Variants in GPRC6A observed in about 807,000 individuals in gnomAD.
The protein encoded by GPRC6A is G protein-coupled receptor class C group 6 member A.
Under a neutral mutation model 47.0 loss-of-function variants are expected in GPRC6A, and 54 were observed. That is an observed-to-expected ratio of 1.15 (90% CI 0.92 to 1.44). The LOEUF (loss-of-function observed/expected upper bound fraction) is 1.44. Ranked by LOEUF, GPRC6A falls within the 40% of genes most tolerant of loss-of-function variation. GPRC6A has a pLI of 0.00. For synonymous variants in GPRC6A, 347 were observed against 377.1 expected (o/e 0.92, Z 0.93); for missense variants, 1,112 against 1,105.5 (o/e 1.01, Z -0.08).
chr6:116,819,731 C>T (rs1340665621), intron 1 of GPRC6A, among the ~76,000 whole-genome samples: 10 of 151,762 alleles, frequency 6.6e-5, no homozygotes, highest in African/African-American at 2.2e-4. Flanking sequence ...AAATTTATAG[C>T]ACTAAATGCC....
rs1471551841 is a variant in GPRC6A at position 116,806,544 on chromosome 6, C to T, written c.1161G>A (p.Lys387=). ...AGTTCCTTTCTATAGCCTTGTTAGC[C>T]TTGTAGGCCAAAGTCCTTTGAGAAT... The part of the protein sequence containing the change: ...FNHSQRTLAY[K]ANKAIERNFV... The change falls in exon 3 of 6, where the codon AAG becomes AAA. Residue 387 remains lysine (K), a synonymous_variant. Transcript: ENST00000310357. 6 of 1,613,574 alleles carry T rather than the reference C, an allele frequency of 3.7e-6. No individual in the cohort carries two copies. The highest frequency in any genetic ancestry group is 5.1e-6 in the Non-Finnish European group (6 of 1,179,748).
At chr6:116,794,486 C>T (rs1328009845) in intron 5 of GPRC6A, among the ~76,000 whole-genome samples, 1 of 152,154 alleles carries the variant, frequency 6.6e-6, no homozygotes, top group African/African-American at 2.4e-5. Flanking sequence ...AAGTTGTCTT[C>T]AGTCTTCTAC....
At chr6:116,808,092 T>C (rs951361843) in intron 2 of GPRC6A, among the ~76,000 whole-genome samples, 2 of 151,916 alleles carry the variant, frequency 1.3e-5, no homozygotes, top group African/African-American at 4.8e-5. Flanking sequence ...CCAACTCCAA[T>C]AAATTTGGGA....
intron 1 of GPRC6A, among the ~76,000 whole-genome samples, chr6:116,823,294 C>T (rs894728427): frequency 7.9e-5 from 12 of 152,010 alleles, no homozygotes; most frequent in African/African-American, 2.9e-4. Flanking sequence ...TGCCAGATAC[C>T]CTAAATCATC....
Position 116,795,838 on chromosome 6 carries a change from A to G in GPRC6A, c.1549-3T>C, listed in dbSNP as rs779934112. 1.9e-5 allele frequency: 30 copies of G among 1,571,780 alleles called. No individual in the cohort carries two copies. The highest frequency in any genetic ancestry group is 2.4e-5 in the Non-Finnish European group (28 of 1,158,358). On this transcript the variant is annotated splice_polypyrimidine_tract_variant and splice_region_variant and intron_variant, in intron 4 of 5. Coordinates refer to ENST00000310357, the MANE Select transcript of GPRC6A (RefSeq NM_148963.4). ...TTGGAGCATTTAGATTGAATTTGCT[A>G]TATTAAAAGTGAAAAAAAAAATCAC... is the stretch of plus-strand genomic sequence containing the variant.
At chr6:116,825,714 C>T (rs77549241) in intron 1 of GPRC6A, among the ~76,000 whole-genome samples, 13,258 of 151,722 alleles carry the variant, frequency 0.087, 628 homozygotes, top group Admixed American at 0.13. Flanking sequence ...TAAAAAAATC[C>T]TAAAATTCAT....
At chr6:116,817,018 A>G (rs1464183280) in intron 1 of GPRC6A, among the ~76,000 whole-genome samples, 13 of 152,208 alleles carry the variant, frequency 8.5e-5, no homozygotes, top group Non-Finnish European at 1.9e-4. Flanking sequence ...GGAAGCTTGA[A>G]CTGGGTGGAG....
intron 1 of GPRC6A, among the ~76,000 whole-genome samples, chr6:116,810,926 G>A (rs928486401): frequency 6.6e-6 from 1 of 152,108 alleles, no homozygotes; most frequent in African/African-American, 2.4e-5. Context: ...AAGAACCCAA[G>A]AAATCACCAA....
At chr6:116,803,246 T>C (rs1235802084) in intron 3 of GPRC6A, among the ~76,000 whole-genome samples, 1 of 152,108 alleles carries the variant, frequency 6.6e-6, no homozygotes, top group African/African-American at 2.4e-5. Context: ...CTTTTCATCC[T>C]TATTTTCATA....
At chr6:116,795,019 C>T (rs1168918073) in intron 5 of GPRC6A, among the ~76,000 whole-genome samples, 1 of 152,152 alleles carries the variant, frequency 6.6e-6, no homozygotes, top group Non-Finnish European at 1.5e-5. Flanking sequence ...TAAACAACAA[C>T]ATCTGATGCT....
intron 1 of GPRC6A, among the ~76,000 whole-genome samples, chr6:116,819,982 A>G (rs1773399547): frequency 6.6e-6 from 1 of 150,610 alleles, no homozygotes; most frequent in Non-Finnish European, 1.5e-5. Context: ...AAAGAAAAAA[A>G]GAGAGAAGAA....
intron 1 of GPRC6A, among the ~76,000 whole-genome samples, chr6:116,824,575 C>T (rs1412378622): frequency 6.6e-6 from 1 of 151,848 alleles, no homozygotes; most frequent in East Asian, 1.9e-4. Context: ...AGACCAATAA[C>T]AAATAGCAAG....
At chr6:116,804,450 G>T (rs1420514922) in intron 3 of GPRC6A, among the ~76,000 whole-genome samples, 1 of 152,046 alleles carries the variant, frequency 6.6e-6, no homozygotes, top group Non-Finnish European at 1.5e-5. Context: ...CCTAAATGTT[G>T]CTGATCTTTA....
intron 1 of GPRC6A, among the ~76,000 whole-genome samples, chr6:116,810,682 AAAAG>A (rs1207240465): frequency 8.6e-5 from 13 of 151,860 alleles, no homozygotes; most frequent in African/African-American, 2.9e-4. Context: ...TAATGAACTA[AAAAG>A]AAAGTATATC....
At chr6:116,821,410 T>C (rs1476909697) in intron 1 of GPRC6A, among the ~76,000 whole-genome samples, 1 of 152,134 alleles carries the variant, frequency 6.6e-6, no homozygotes, top group Non-Finnish European at 1.5e-5. Flanking sequence ...AAGTCAATCC[T>C]AAGCCAAAAG....
intron 5 of GPRC6A, 58 bp downstream of exon 5, chr6:116,795,654 A>G (rs1772458209): frequency 7.2e-7 from 1 of 1,381,918 alleles, no homozygotes; most frequent in Non-Finnish European, 9.6e-7. Context: ...AAATTCATGC[A>G]AAGAAAAAAA....
chr6:116,817,905 T>C lies in GPRC6A; in HGVS notation c.195-8288A>G, dbSNP rs1773285528. On this transcript the variant is annotated intron_variant, in intron 1 of 5. Transcript: ENST00000310357. Reference sequence around the variant, plus strand: ...GTGAAAAGACCAAATCTACGTCTGATTGGTGTACCTGAAAGTGATGGGGAG... The same window carrying C: ...GTGAAAAGACCAAATCTACGTCTGACTGGTGTACCTGAAAGTGATGGGGAG... Among the ~76,000 whole-genome samples the C allele has an allele frequency of 5.3e-5, 8 of 151,950 alleles. No individual in the cohort carries two copies. The South Asian group carries it at 1.7e-3, about 32-fold the overall frequency.
At chr6:116,827,731 T>G (rs1002972033) in intron 1 of GPRC6A, among the ~76,000 whole-genome samples, 3 of 151,960 alleles carry the variant, frequency 2.0e-5, no homozygotes, top group African/African-American at 7.2e-5. Flanking sequence ...CTGAAAATCT[T>G]CATTAATTAT....
intron 5 of GPRC6A, among the ~76,000 whole-genome samples, chr6:116,793,520 T>C (rs1772386113): frequency 6.6e-6 from 1 of 152,118 alleles, no homozygotes; most frequent in Admixed American, 6.6e-5. Context: ...ATGAATATAC[T>C]CAGAATAGAT....
Sources: gnomAD v4.1 joint callset for allele counts (sites outside exome capture counted in the v4.1 genomes callset) on GRCh38, gnomAD v4.1.1 for gene constraint, MANE v1.5 for transcripts, NCBI Gene and HGNC (gene_info 2026-07-23, HGNC 2026-07-21) for gene names.